PDE5A: variants seen among roughly 807,000 people sequenced by gnomAD.
The protein encoded by PDE5A is phosphodiesterase 5A, also known as cGMP-specific 3',5'-cyclic phosphodiesterase.
PDE5A carries 67 observed loss-of-function variants against 110.2 expected under a neutral mutation model. The observed-to-expected ratio is 0.61, with a 90% CI of 0.50 to 0.75. PDE5A has a LOEUF of 0.75. Among genes scored for constraint, PDE5A ranks in the 30% least tolerant of loss-of-function variants. The pLI is 0.00. For synonymous variants in PDE5A, 328 were observed against 351.2 expected, an observed-to-expected ratio of 0.93 and a Z score of 0.74; for missense variants, 862 against 1,045.1, an observed-to-expected ratio of 0.82 and a Z score of 2.42.
chr4:119,498,809 C>G, intron 20 of PDE5A, 71 bp from the exon 21 acceptor site: 5 of 1,507,626 alleles, frequency 3.3e-6, no homozygotes, highest in Admixed American at 3.4e-5. Flanking sequence ...AGGCCTGTTA[C>G]AAAGGGCCAC....
chr4:119,545,724 T>G (rs1727108396), intron 9 of PDE5A, among the ~76,000 whole-genome samples: 2 of 152,224 alleles, frequency 1.3e-5, no homozygotes, highest in South Asian at 2.1e-4. Flanking sequence ...TGGGATCGGA[T>G]GTTGTTACCA....
At chr4:119,548,044 ATTTTTTTTTTTT>A (rs11438089) in intron 9 of PDE5A, among the ~76,000 whole-genome samples, 7 of 94,784 alleles carry the variant, frequency 7.4e-5, no homozygotes, top group East Asian at 3.1e-4. Context: ...TTCTCCGTGT[ATTTTTTTTTTTT>A]TTTTTTTTTT....
intron 16 of PDE5A, 152 bp downstream of exon 16, chr4:119,507,452 T>C (rs918907856): frequency 7.2e-6 from 4 of 558,030 alleles, no homozygotes; most frequent in African/African-American, 2.0e-5. Context: ...GAGTAGACTT[T>C]TCTGGCTACC....
At chr4:119,532,802 G>C (rs1288877373) in intron 11 of PDE5A, among the ~76,000 whole-genome samples, 1 of 152,042 alleles carries the variant, frequency 6.6e-6, no homozygotes, top group Admixed American at 6.6e-5. Flanking sequence ...AGAAAATAAA[G>C]ACATGTGGCT....
At chr4:119,518,368 C>G (rs1175840407) in intron 14 of PDE5A, among the ~76,000 whole-genome samples, 3 of 152,206 alleles carry the variant, frequency 2.0e-5, no homozygotes, top group African/African-American at 7.2e-5. Flanking sequence ...TCTCAAATGC[C>G]ACTTAAGTAT....
At chr4:119,578,896 C>G (rs1196150392) in intron 3 of PDE5A, among the ~76,000 whole-genome samples, 1 of 152,154 alleles carries the variant, frequency 6.6e-6, no homozygotes, top group East Asian at 1.9e-4. Context: ...TCAGAGTGAA[C>G]AGGCAACCTA....
At chr4:119,506,252 T>G (rs1725550606) in intron 16 of PDE5A, among the ~76,000 whole-genome samples, 1 of 151,864 alleles carries the variant, frequency 6.6e-6, no homozygotes, top group South Asian at 2.1e-4. Context: ...CTGAGAATGA[T>G]TTCAGGTATT....
intron 3 of PDE5A, among the ~76,000 whole-genome samples, chr4:119,567,658 A>G (rs1727990709): frequency 6.6e-6 from 1 of 152,196 alleles, no homozygotes; most frequent in Non-Finnish European, 1.5e-5. Flanking sequence ...ATGCAGTCCA[A>G]CTTCTTTTGA....
At chr4:119,508,827 T>A (rs1460909109) in intron 15 of PDE5A, among the ~76,000 whole-genome samples, 1 of 151,986 alleles carries the variant, frequency 6.6e-6, no homozygotes, top group African/African-American at 2.4e-5. Context: ...TAATTTCTTG[T>A]GTAATTATGC....
chr4:119,563,589 G>C (rs1292264054), intron 5 of PDE5A, among the ~76,000 whole-genome samples: 1 of 152,094 alleles, frequency 6.6e-6, no homozygotes. Context: ...ATAGGGAAGA[G>C]AAATATTTCA....
intron 3 of PDE5A, among the ~76,000 whole-genome samples, chr4:119,572,565 G>A (rs1418940229): frequency 1.3e-5 from 2 of 152,168 alleles, no homozygotes; most frequent in African/African-American, 2.4e-5. Context: ...AGAAAGAAAA[G>A]CTTGAGATTA....
intron 1 of PDE5A, among the ~76,000 whole-genome samples, chr4:119,626,801 C>A (rs1363235580): frequency 1.3e-5 from 2 of 152,056 alleles, no homozygotes; most frequent in African/African-American, 4.8e-5. Context: ...CGGGGGAAGA[C>A]GATTTTAAAA....
chr4:119,552,337 G>A, intron 9 of PDE5A: 6 of 296,376 alleles, frequency 2.0e-5, no homozygotes, highest in Non-Finnish European at 3.7e-5. Context: ...AAAAAATTCT[G>A]CTGAAATAGG....
intron 2 of PDE5A, among the ~76,000 whole-genome samples, chr4:119,603,632 T>C (rs1729423840): frequency 6.6e-6 from 1 of 152,238 alleles, no homozygotes; most frequent in African/African-American, 2.4e-5. Flanking sequence ...TTTTCAAATT[T>C]ATATCAGTTT....
At chr4:119,558,624 T>C (rs1295675752) in intron 7 of PDE5A, among the ~76,000 whole-genome samples, 1 of 152,210 alleles carries the variant, frequency 6.6e-6, no homozygotes, top group Non-Finnish European at 1.5e-5. Context: ...TAAATTCAGT[T>C]ACTGCAAATT....
rs1024696396 is a variant in PDE5A at position 119,497,692 on chromosome 4, A to G, written c.*909T>C. On this transcript the variant is annotated 3_prime_UTR_variant, in exon 21 of 21. Transcript: ENST00000354960. The stretch of plus-strand genomic sequence containing the variant: ...AGAGTCATTTTGTACTCTCTTATCT[A>G]TAACCATGTCTCACTTCAAGTCAAT... 5.9e-5 allele frequency: 9 copies of G among 152,292 alleles called. No homozygotes were observed. The highest frequency in any genetic ancestry group is 1.9e-4 in the African/African-American group (8 of 41,572). 9.4% of individuals were successfully genotyped at this position (152,292 alleles called of 1,614,324 possible).
intron 2 of PDE5A, among the ~76,000 whole-genome samples, chr4:119,606,488 C>T (rs1729534084): frequency 6.6e-6 from 1 of 152,084 alleles, no homozygotes; most frequent in Non-Finnish European, 1.5e-5. Context: ...TTCCTTAAGG[C>T]TCATATCCTC....
At chr4:119,565,528 T>C in intron 4 of PDE5A, 118 bp from the exon 5 acceptor site, 3 of 682,876 alleles carry the variant, frequency 4.4e-6, no homozygotes, top group East Asian at 5.5e-5. Context: ...ATGTTTGTTC[T>C]ACATAAAATT....
At chr4:119,545,091 T>G (rs1468774403) in intron 9 of PDE5A, among the ~76,000 whole-genome samples, 1 of 152,160 alleles carries the variant, frequency 6.6e-6, no homozygotes, top group Non-Finnish European at 1.5e-5. Context: ...ATTAATTATC[T>G]TTTTGAAAGT....
Sources: gnomAD v4.1 joint callset for allele counts (sites outside exome capture counted in the v4.1 genomes callset) on GRCh38, gnomAD v4.1.1 for gene constraint, MANE v1.5 for transcripts, NCBI Gene and HGNC (gene_info 2026-07-23, HGNC 2026-07-21) for gene names.